WDFY4: variants seen among roughly 807,000 people sequenced by gnomAD.
The protein encoded by WDFY4 is WDFY family member 4.
In WDFY4, 169 loss-of-function variants were observed where a neutral mutation model predicts 351.9. The observed-to-expected ratio is 0.48, with a 90% CI of 0.42 to 0.55. The LOEUF (loss-of-function observed/expected upper bound fraction) is 0.55. WDFY4 is among the 20% of genes least tolerant of loss of function. The probability of loss-of-function intolerance (pLI) is 0.00; values close to 1 mark genes in which losing one functional copy is unlikely to be tolerated. For synonymous variants in WDFY4, 1,622 were observed against 1,574.6 expected, an observed-to-expected ratio of 1.03 and a Z score of -0.71; for missense variants, 3,803 against 3,935.6, an observed-to-expected ratio of 0.97 and a Z score of 0.90.
In WDFY4 at chr10:48,774,688, T is replaced by A. The variant is rs1200165861; in HGVS notation, c.2768+16T>A. ...ATGTGCTAAGGTACCACATGCTGCA[T>A]ATTCAGTGCCGCCAAGCTGGGCAGC... On this transcript the variant is annotated intron_variant, in intron 14 of 61. Transcript: ENST00000325239. 6.4e-7 allele frequency: 1 copy of A among 1,551,484 alleles called. No individual in the cohort carries two copies. Among genetic ancestry groups the A allele is most frequent in the Admixed American group, 2.0e-5 (1 of 51,004 alleles).
In WDFY4 at chr10:48,803,321, C is replaced by T; in HGVS notation, c.4446C>T (p.Ser1482=). 10 of 1,551,912 alleles carry T rather than the reference C, an allele frequency of 6.4e-6. No homozygotes were observed. Among genetic ancestry groups the T allele is most frequent in the Non-Finnish European group, 8.7e-6 (10 of 1,146,974 alleles). The change falls in exon 25 of 62, where the codon AGC becomes AGT. Residue 1482 remains serine, a synonymous_variant. Transcript: ENST00000325239. ...ATACTGCAGACAATCTGGAGCTCAG[C>T]CTCTTTTCCCATCTTTTGGAAATCC... ...WMNTADNLEL[S]LFSHLLEILQ... is the part of the protein sequence containing the mutation.
intron 12 of WDFY4, among the ~76,000 whole-genome samples, chr10:48,755,649 CTT>C (rs1442137912): frequency 6.6e-6 from 1 of 152,044 alleles, no homozygotes; most frequent in African/African-American, 2.4e-5. Flanking sequence ...GTCTTTATAA[CTT>C]TGTAAAAACT....
intron 47 of WDFY4, among the ~76,000 whole-genome samples, chr10:48,931,578 T>G (rs1840008339): frequency 6.6e-6 from 1 of 152,058 alleles, no homozygotes; most frequent in Non-Finnish European, 1.5e-5. Flanking sequence ...CATCCAGAGG[T>G]GAAGAACTGT....
chr10:48,920,818 T>C (rs1839005129), intron 47 of WDFY4, among the ~76,000 whole-genome samples: 1 of 152,226 alleles, frequency 6.6e-6, no homozygotes, highest in Non-Finnish European at 1.5e-5. Context: ...GGCCATAGGA[T>C]ACAAGGTTAG....
At chr10:48,832,292 C>A (rs1159464757) in intron 38 of WDFY4, among the ~76,000 whole-genome samples, 1 of 152,234 alleles carries the variant, frequency 6.6e-6, no homozygotes, top group Non-Finnish European at 1.5e-5. Flanking sequence ...AAAACTGAGG[C>A]TCAGCAACTT....
In WDFY4 at chr10:48,762,641, G is replaced by T. The variant is rs182994134; in HGVS notation, c.2553+2201G>T. 9.2e-5 allele frequency among the ~76,000 whole-genome samples: 14 copies of T among 152,338 alleles called. No individual in the cohort carries two copies. In the East Asian group the frequency reaches 2.5e-3, roughly 27 times the overall value. The stretch of plus-strand genomic sequence containing the variant: ...CAGCAAGGCTGGCTCCCTGGCAAAG[G>T]GTTCCTAAGCTGGCTTAGCTGAGTG... On this transcript the variant is annotated intron_variant, in intron 13 of 61. Transcript: ENST00000325239.
At chr10:48,926,778 AAG>A (rs894258696) in intron 47 of WDFY4, among the ~76,000 whole-genome samples, 55 of 152,216 alleles carry the variant, frequency 3.6e-4, no homozygotes, top group African/African-American at 1.3e-3. Flanking sequence ...TTGACAATGA[AAG>A]AGAGAAAGAG....
intron 57 of WDFY4, 24 bp downstream of exon 57, chr10:48,970,313 C>A: frequency 6.5e-7 from 1 of 1,546,402 alleles, no homozygotes; most frequent in Non-Finnish European, 8.7e-7. Flanking sequence ...CGTGCAGGTG[C>A]GGTCCTCAGG....
At chr10:48,812,089 A>AC (rs1401387384) in intron 30 of WDFY4, among the ~76,000 whole-genome samples, 10 of 152,008 alleles carry the variant, frequency 6.6e-5, no homozygotes, top group South Asian at 2.1e-4. Context: ...TGTTGCTAGG[A>AC]CAGGGAGACT....
chr10:48,743,175 C>T lies in WDFY4; in HGVS notation c.2086C>T (p.Pro696Ser). ...CAVSAALHWD[P>S]VNGYFFRRNG... Reference sequence around the variant, plus strand: ...TGTGTCCGCAGCGCTGCACTGGGACCCTGTCAATGGCTACTTCTTCAGGAG... The same window carrying T: ...TGTGTCCGCAGCGCTGCACTGGGACTCTGTCAATGGCTACTTCTTCAGGAG... Residue 696 changes from proline to serine, a missense_variant, in exon 12 of 62, where the codon CCT (proline) becomes TCT (serine). Pro to Ser is a moderately conservative substitution (Grantham distance 74). This residue lies in a region of WDFY4 where 3,054 missense variants were observed against 3,148.6 expected (regional missense o/e 0.97). Coordinates refer to ENST00000325239, the MANE Select transcript of WDFY4 (RefSeq NM_001394531.1). The T allele has an allele frequency of 6.4e-7, 1 of 1,551,720 alleles. No homozygotes were observed. The highest frequency in any genetic ancestry group is 1.4e-5 in the African/African-American group (1 of 73,154).
At chr10:48,819,892 G>T (rs368136823) in intron 32 of WDFY4, among the ~76,000 whole-genome samples, 3 of 152,214 alleles carry the variant, frequency 2.0e-5, no homozygotes, top group African/African-American at 7.2e-5. Flanking sequence ...TCCGGTGTCA[G>T]ATGGTTTTTA....
intron 42 of WDFY4, among the ~76,000 whole-genome samples, chr10:48,876,090 C>A (rs2069992809): frequency 6.6e-6 from 1 of 150,522 alleles, no homozygotes; most frequent in Non-Finnish European, 1.5e-5. Flanking sequence ...GTCTGTGACC[C>A]TGGGCCTTCA....
intron 43 of WDFY4, among the ~76,000 whole-genome samples, chr10:48,885,868 G>C (rs993458996): frequency 1.3e-5 from 2 of 152,192 alleles, no homozygotes; most frequent in Non-Finnish European, 2.9e-5. Context: ...GAAAAAAGTA[G>C]ATACTAGAGC....
chr10:48,720,225 TAC>T (rs2064036115), intron 3 of WDFY4, 100 bp downstream of exon 3: 3 of 1,218,042 alleles, frequency 2.5e-6, no homozygotes, highest in South Asian at 2.9e-5. Context: ...CGCGTGGAGC[TAC>T]AGTGTTGCCT....
intron 2 of WDFY4, among the ~76,000 whole-genome samples, chr10:48,713,489 G>A (rs142046300): frequency 6.6e-6 from 1 of 152,318 alleles, no homozygotes; most frequent in African/African-American, 2.4e-5. Flanking sequence ...TTGGTTTGTG[G>A]TACAGTGAAT....
At chr10:48,921,089 C>T (rs1189136265) in intron 47 of WDFY4, among the ~76,000 whole-genome samples, 1 of 152,026 alleles carries the variant, frequency 6.6e-6, no homozygotes, top group Non-Finnish European at 1.5e-5. Context: ...ATCAAAATTA[C>T]AGGAGGATTA....
chr10:48,796,378 T>C lies in WDFY4; in HGVS notation c.4338T>C (p.Thr1446=). ...AGCTGATCCTCTCAGTGGCTGGCAC[T>C]GTGGAGCTGGGCTTCAGGTCATCTG... The part of the protein sequence containing the change: ...IFQLILSVAG[T]VELGFRSSAI... Residue 1446 remains threonine, a synonymous_variant, in exon 24 of 62, where the codon ACT becomes ACC. Transcript: ENST00000325239. 6.4e-7 allele frequency: 1 copy of C among 1,552,294 alleles called. No homozygotes were observed.
At chr10:48,901,694 G>A in intron 46 of WDFY4, 107 bp from the exon 47 acceptor site, 1 of 1,226,358 alleles carries the variant, frequency 8.2e-7, no homozygotes, top group Non-Finnish European at 1.2e-6. Context: ...TGGAGCGAGG[G>A]GGAGCAATAA....
chr10:48,962,449 C>G lies in WDFY4; in HGVS notation c.8224-1393C>G, dbSNP rs118178886. Among the ~76,000 whole-genome samples, 1,243 of 152,302 alleles carry G rather than the reference C, an allele frequency of 8.2e-3. 16 individuals are homozygous for G. The highest frequency in any genetic ancestry group is 0.02 in the Admixed American group (301 of 15,298). ...ACATTTTGAGGCTCTGGGCACCTAG[C>G]CCTGAAGCTAGGTTCTATTCAGTAG... On this transcript the variant is annotated intron_variant, in intron 53 of 61. Coordinates refer to ENST00000325239, the MANE Select transcript of WDFY4 (RefSeq NM_001394531.1).
Sources: gnomAD v4.1 joint callset for allele counts (sites outside exome capture counted in the v4.1 genomes callset) on GRCh38, gnomAD v4.1.1 for gene constraint, gnomAD v4.1.1 regional missense constraint, MANE v1.5 for transcripts, NCBI Gene and HGNC (gene_info 2026-07-23, HGNC 2026-07-21) for gene names.